Variants in KCNT1 observed in about 807,000 individuals in gnomAD.
The protein encoded by KCNT1 is potassium sodium-activated channel subfamily T member 1.
A neutral mutation model predicts 147.8 loss-of-function variants in KCNT1; 78 were observed. The observed-to-expected ratio is 0.53, with a 90% CI of 0.44 to 0.64. The LOEUF (loss-of-function observed/expected upper bound fraction) is 0.64, where lower values mean the gene tolerates loss of function less well. Among genes scored for constraint, KCNT1 ranks in the 30% least tolerant of loss-of-function variants. KCNT1 has a pLI of 0.00. For synonymous variants in KCNT1, 867 were observed against 748.8 expected (o/e 1.16, Z -2.58); for missense variants, 1,419 against 1,750.3 (o/e 0.81, Z 3.38).
chr9:135,758,778 C>T (rs754860625), intron 10 of KCNT1, among the ~76,000 whole-genome samples: 4 of 152,164 alleles, frequency 2.6e-5, no homozygotes, highest in Admixed American at 6.5e-5. Flanking sequence ...ATGCCATGGA[C>T]GTAGAGAAGG....
At chr9:135,740,252 G>A (rs992911584) in intron 2 of KCNT1, among the ~76,000 whole-genome samples, 6 of 152,180 alleles carry the variant, frequency 3.9e-5, no homozygotes, top group Non-Finnish European at 5.9e-5. Context: ...AACTCCGCCC[G>A]AGATAAGGGG....
rs751166469 is a variant in KCNT1 at position 135,702,361 on chromosome 9, G to A, written c.103G>A (p.Ala35Thr). 4 of 1,610,200 alleles carry A rather than the reference G, an allele frequency of 2.5e-6. No individual in the cohort carries two copies. Among genetic ancestry groups the A allele is most frequent in the East Asian group, 2.2e-5 (1 of 44,752 alleles). ...CTTCGAGTTTGACGACGGCCAATGC[G>A]CCCCCAGGTACAGTCTGCTGCGCCC... ...RTFEFDDGQC[A>T]PRRPCAGDGA... Residue 35 changes from alanine (A) to threonine (T), a missense_variant, in exon 1 of 31, where the codon GCC (alanine) becomes ACC (threonine). Ala to Thr is a moderately conservative substitution (Grantham distance 58). Coordinates refer to ENST00000371757, the MANE Select transcript of KCNT1 (RefSeq NM_020822.3).
rs1425749928 is a variant in KCNT1, at chr9:135,714,737, G to C, written c.254+17G>C. ...CGACGACAGGTAGGGACCGGGCGCGGGGTGGGGGCTGGGGTCGCCGTCCCG... is the reference window on the plus strand; with the variant it reads ...CGACGACAGGTAGGGACCGGGCGCGCGGTGGGGGCTGGGGTCGCCGTCCCG... On this transcript the variant is annotated intron_variant, in intron 2 of 30. Coordinates refer to ENST00000371757, the MANE Select transcript of KCNT1 (RefSeq NM_020822.3). The surrounding 1 kb of genome is among the most constrained non-coding windows in gnomAD (Gnocchi z 6.2). 1 of 1,347,186 alleles carries C rather than the reference G, an allele frequency of 7.4e-7. No individual in the cohort carries two copies. The highest frequency in any genetic ancestry group is 1.5e-5 in the African/African-American group (1 of 64,636). 83.5% of individuals were successfully genotyped at this position (1,347,186 alleles called of 1,614,324 possible).
At chr9:135,769,736 C>T (rs767696220) in intron 15 of KCNT1, among the ~76,000 whole-genome samples, 23 of 152,138 alleles carry the variant, frequency 1.5e-4, no homozygotes, top group Non-Finnish European at 2.9e-4. Context: ...GAGAGAAGCA[C>T]AGGAGCGATG....
intron 1 of KCNT1, among the ~76,000 whole-genome samples, chr9:135,713,680 C>G (rs990891086): frequency 2.0e-5 from 3 of 152,296 alleles, no homozygotes; most frequent in South Asian, 2.1e-4. Flanking sequence ...CTGCTGGCCT[C>G]GAAGCCTTGA....
chr9:135,778,347 A>AG, intron 21 of KCNT1, 77 bp from the exon 22 acceptor site: 1 of 1,348,086 alleles, frequency 7.4e-7, no homozygotes, highest in South Asian at 1.2e-5. Context: ...CTGTGCATGG[A>AG]GGGTAGGGCC....
rs539267974 is a variant in KCNT1, at chr9:135,768,422, TCCCGCCTTCCATCCTC to T, written c.1338-171_1338-156del. On this transcript the variant is annotated intron_variant, in intron 13 of 30. Transcript: ENST00000371757. ...TGACCAGCAGAGAGTAGGGGCCTCC[TCCCGCCTTCCATCCTC>T]CCCGCCTTCCATCCTCTCCGCCTTC... 323 of 393,602 alleles carry T rather than the reference TCCCGCCTTCCATCCTC, an allele frequency of 8.2e-4. 1 individual carries two copies. Among genetic ancestry groups the T allele is most frequent in the South Asian group, 3.3e-3 (121 of 36,260 alleles). 24.4% of individuals were successfully genotyped at this position (393,602 alleles called of 1,614,324 possible).
chr9:135,757,358 A>G lies in KCNT1; in HGVS notation c.736A>G (p.Lys246Glu). 6.2e-7 allele frequency: 1 copy of G among 1,610,002 alleles called. No homozygotes were observed. Among genetic ancestry groups the G allele is most frequent in the Non-Finnish European group, 8.5e-7 (1 of 1,179,908 alleles). The change falls in exon 9 of 31, where the codon AAG (lysine) becomes GAG (glutamate). Residue 246 changes from lysine to glutamate, a missense_variant. Physicochemically the swap from Lys to Glu is moderately conservative, Grantham distance 56. This residue lies in a region of KCNT1 where 401 missense variants were observed against 610.6 expected (regional missense o/e 0.66). Coordinates refer to ENST00000371757, the MANE Select transcript of KCNT1 (RefSeq NM_020822.3). Reference sequence around the variant, plus strand: ...CGTCTTTCTGAACTGCTGGCTGGCCAAGCACGCGCTGGAAAACATGATTGT... The same window carrying G: ...CGTCTTTCTGAACTGCTGGCTGGCCGAGCACGCGCTGGAAAACATGATTGT... ...IPVFLNCWLA[K>E]HALENMINDF...
intron 11 of KCNT1, 113 bp from the exon 12 acceptor site, chr9:135,764,918 C>T (rs1832151722): frequency 9.4e-6 from 11 of 1,170,448 alleles, no homozygotes; most frequent in Admixed American, 5.3e-5. Context: ...ACCCCCCGGC[C>T]GGCCCTGCCC....
At chr9:135,736,231 C>A (rs1324101506) in intron 2 of KCNT1, among the ~76,000 whole-genome samples, 1 of 152,298 alleles carries the variant, frequency 6.6e-6, no homozygotes, top group East Asian at 1.9e-4. Context: ...GGCAGGCCAT[C>A]CTGAGCGCCA....
At chr9:135,735,872 C>T (rs1399020239) in intron 2 of KCNT1, among the ~76,000 whole-genome samples, 1 of 152,192 alleles carries the variant, frequency 6.6e-6, no homozygotes, top group Non-Finnish European at 1.5e-5. Flanking sequence ...GGTGCCAATA[C>T]CCCCCGGCTG....
At position 135,759,627 on chromosome 9, in the gene KCNT1, C is replaced by T. The variant is rs372023291; in HGVS notation, c.855-52C>T. 388 of 1,531,322 alleles carry T rather than the reference C, an allele frequency of 2.5e-4. 2 individuals are homozygous for T. In the East Asian group the frequency reaches 5.2e-3, roughly 21 times the overall value. 94.9% of individuals were successfully genotyped at this position (1,531,322 alleles called of 1,614,324 possible). A position where few individuals can be genotyped will look rare whatever the true frequency, so the allele number is the denominator to read the frequency against. Reference sequence around the variant, plus strand: ...GGCAGGCAGGATCTCTGAGGGGCCACGGCCCCCCAGCTCCTGGGCCCCAGG... The same window carrying T: ...GGCAGGCAGGATCTCTGAGGGGCCATGGCCCCCCAGCTCCTGGGCCCCAGG... On this transcript the variant is annotated intron_variant, in intron 10 of 30. Transcript: ENST00000371757.
chr9:135,775,053 A>G (rs1049170936), intron 19 of KCNT1, among the ~76,000 whole-genome samples: 8 of 152,174 alleles, frequency 5.3e-5, no homozygotes, highest in Non-Finnish European at 4.4e-5. Context: ...ACTGCCCTGC[A>G]GGACACACTG....
chr9:135,792,278 C>T lies in KCNT1; in HGVS notation c.*117C>T, dbSNP rs1834598385. On this transcript the variant is annotated 3_prime_UTR_variant, in exon 31 of 31. Coordinates refer to ENST00000371757, the MANE Select transcript of KCNT1 (RefSeq NM_020822.3). ...CCTGGGGATGGCACACTCTACTCAC[C>T]ATGGCTCCTGGGACTCCACCCTGGA... 6.8e-6 allele frequency: 9 copies of T among 1,315,420 alleles called. No individual in the cohort carries two copies. In the East Asian group the frequency reaches 1.5e-4, roughly 23 times the overall value. 81.5% of individuals were successfully genotyped at this position (1,315,420 alleles called of 1,614,324 possible).
rs763400879 is a variant in KCNT1, at chr9:135,786,395, C to T, written c.3376C>T (p.Arg1126Trp). 16 of 1,574,124 alleles carry T rather than the reference C, an allele frequency of 1.0e-5. No homozygotes were observed. The highest frequency in any genetic ancestry group is 5.5e-5 in the Admixed American group (3 of 54,280). ...LSRKAPKQAG[R>W]AAAAEWISQQ... ...CCGCAAGGCGCCCAAGCAGGCAGGC[C>T]GGGCGGCGGCCGCGGAGTGGATCAG... The change falls in exon 29 of 31, where the codon CGG becomes TGG. Residue 1126 changes from arginine to tryptophan, a missense_variant. Physicochemically the swap from Arg to Trp is moderately radical, Grantham distance 101 (BLOSUM62 -3). Coordinates refer to ENST00000371757, the MANE Select transcript of KCNT1 (RefSeq NM_020822.3).
chr9:135,756,984 C>T lies in KCNT1; in HGVS notation c.600+52C>T, dbSNP rs1285114165. The T allele has an allele frequency of 7.6e-6, 9 of 1,191,876 alleles. No individual in the cohort carries two copies. The South Asian group carries it at 1.2e-4, about 16-fold the overall frequency. The allele number at this position is 1,191,876 out of a possible 1,614,324, so 73.8% of individuals were successfully genotyped here. On this transcript the variant is annotated intron_variant, in intron 7 of 30. Transcript: ENST00000371757. ...CACAGGGGGTCCCCACCCTCCCCAC[C>T]CTCCCCAGCCTCCCCCACCTCCCCC...
intron 1 of KCNT1, among the ~76,000 whole-genome samples, chr9:135,706,025 A>C (rs1469828863): frequency 6.6e-6 from 1 of 152,152 alleles, no homozygotes; most frequent in Non-Finnish European, 1.5e-5. Context: ...CGGGAGGAGC[A>C]GAGGGCCTGG....
At chr9:135,755,286 G>GT (rs1831410721) in intron 6 of KCNT1, 117 bp downstream of exon 6, 3 of 765,338 alleles carry the variant, frequency 3.9e-6, no homozygotes, top group Non-Finnish European at 6.0e-6. Flanking sequence ...GACATACCCA[G>GT]TCTCAGTAAA....
Position 135,772,868 on chromosome 9 carries a change from C to CCCTGCTGCCCTGCGA in KCNT1, c.2170_2184dup (p.Pro724_Leu728dup), listed in dbSNP as rs757605635. The CCCTGCTGCCCTGCGA allele has an allele frequency of 1.1e-5, 17 of 1,554,046 alleles. No homozygotes were observed. The Admixed American group carries it at 2.3e-4, about 21-fold the overall frequency. On this transcript the variant is annotated inframe_insertion, in exon 19 of 31. Transcript: ENST00000371757. ...GTCCTGGAACTGGCCGACAGCTCAG[C>CCCTGCTGCCCTGCGA]CCTGCTGCCCTGCGACCTGCTGAGC... is the stretch of plus-strand genomic sequence containing the variant.
Sources: gnomAD v4.1 joint callset for allele counts (sites outside exome capture counted in the v4.1 genomes callset) on GRCh38, gnomAD v4.1.1 for gene constraint, gnomAD v4.1.1 regional missense constraint, Gnocchi (gnomAD v3.1) non-coding constraint, MANE v1.5 for transcripts, NCBI Gene and HGNC (gene_info 2026-07-23, HGNC 2026-07-21) for gene names.